ST6GALNAC3: variants seen among roughly 807,000 people sequenced by gnomAD.
The protein encoded by ST6GALNAC3 is alpha-N-acetylgalactosaminide alpha-2,6-sialyltransferase 3.
A neutral mutation model predicts 32.7 loss-of-function variants in ST6GALNAC3; 25 were observed. The observed-to-expected ratio is 0.76, with a 90% confidence interval of 0.56 to 1.07. The LOEUF is 1.07. Among genes scored for constraint, ST6GALNAC3 ranks in the 50% least tolerant of loss-of-function variants. The pLI is 0.00. For synonymous variants in ST6GALNAC3, 129 were observed against 133.1 expected (o/e 0.97, Z 0.21); for missense variants, 355 against 382.4 (o/e 0.93, Z 0.60).
chr1:76,343,455 C>A (rs191692938), intron 2 of ST6GALNAC3, among the ~76,000 whole-genome samples: 611 of 152,184 alleles, frequency 4.0e-3, no homozygotes, highest in Non-Finnish European at 6.3e-3. Context: ...ATGAAAAGAC[C>A]GTCGGATCAG....
At chr1:76,180,869 G>A (rs769361201) in intron 1 of ST6GALNAC3, among the ~76,000 whole-genome samples, 7 of 152,222 alleles carry the variant, frequency 4.6e-5, no homozygotes, top group Non-Finnish European at 1.0e-4. Flanking sequence ...AAGTCTGTGT[G>A]TGACCCGGTT....
intron 2 of ST6GALNAC3, among the ~76,000 whole-genome samples, chr1:76,365,668 G>T (rs1353892347): frequency 6.6e-6 from 1 of 152,100 alleles, no homozygotes; most frequent in Non-Finnish European, 1.5e-5. Flanking sequence ...TTTCTAAGAT[G>T]AATTTACAAG....
At chr1:76,571,388 A>C (rs1162011145) in intron 3 of ST6GALNAC3, among the ~76,000 whole-genome samples, 1 of 152,022 alleles carries the variant, frequency 6.6e-6, no homozygotes, top group Non-Finnish European at 1.5e-5. Context: ...CTTTTTTTAA[A>C]AAGGCAACTT....
chr1:76,511,928 C>T (rs968159648), intron 3 of ST6GALNAC3, among the ~76,000 whole-genome samples: 1 of 152,148 alleles, frequency 6.6e-6, no homozygotes. Flanking sequence ...AGTAATAGCT[C>T]TCTTCTAACT....
intron 2 of ST6GALNAC3, among the ~76,000 whole-genome samples, chr1:76,338,296 A>G (rs1435578506): frequency 2.0e-5 from 3 of 152,182 alleles, no homozygotes; most frequent in Non-Finnish European, 4.4e-5. Context: ...GTGTATATGG[A>G]AGCCATTGTC....
chr1:76,602,509 G>A (rs765842241), intron 3 of ST6GALNAC3, among the ~76,000 whole-genome samples: 40 of 151,998 alleles, frequency 2.6e-4, no homozygotes, highest in Non-Finnish European at 2.9e-4. Context: ...TTTGTAATTT[G>A]TTAGTACAGT....
intron 1 of ST6GALNAC3, among the ~76,000 whole-genome samples, chr1:76,213,621 T>C (rs1416323048): frequency 6.6e-6 from 1 of 152,188 alleles, no homozygotes; most frequent in Non-Finnish European, 1.5e-5. Context: ...CCAACTAAAA[T>C]CACAGAGATG....
intron 1 of ST6GALNAC3, among the ~76,000 whole-genome samples, chr1:76,120,341 C>G (rs530836127): frequency 6.6e-6 from 1 of 152,256 alleles, no homozygotes; most frequent in South Asian, 2.1e-4. Context: ...AAGTGCTGCT[C>G]TCTGCATTTT....
intron 3 of ST6GALNAC3, among the ~76,000 whole-genome samples, chr1:76,554,052 C>T (rs892491222): frequency 2.0e-5 from 3 of 152,076 alleles, no homozygotes; most frequent in Admixed American, 1.3e-4. Context: ...ATTTGTGAAC[C>T]AAATTTCTTA....
intron 1 of ST6GALNAC3, among the ~76,000 whole-genome samples, chr1:76,186,533 C>A (rs537363740): frequency 6.6e-6 from 1 of 152,186 alleles, no homozygotes; most frequent in East Asian, 1.9e-4. Flanking sequence ...GGTGTCCAAG[C>A]TTGGAGAGCT....
At chr1:76,139,216 C>A (rs61685633) in intron 1 of ST6GALNAC3, among the ~76,000 whole-genome samples, 2,782 of 151,464 alleles carry the variant, frequency 0.018, 92 homozygotes, top group African/African-American at 0.064. Context: ...AAAAAAAAAT[C>A]TATGCACCTA....
intron 1 of ST6GALNAC3, among the ~76,000 whole-genome samples, chr1:76,245,779 T>G (rs922784352): frequency 6.6e-6 from 1 of 152,196 alleles, no homozygotes; most frequent in Admixed American, 6.5e-5. Flanking sequence ...GGAGAGACTG[T>G]TATGATTTCC....
At chr1:76,302,870 G>C (rs954241496) in intron 1 of ST6GALNAC3, among the ~76,000 whole-genome samples, 3 of 151,940 alleles carry the variant, frequency 2.0e-5, no homozygotes, top group African/African-American at 7.3e-5. Context: ...CAAAAGCAGA[G>C]ACTTATTGAA....
At chr1:76,282,507 A>C (rs1025173324) in intron 1 of ST6GALNAC3, among the ~76,000 whole-genome samples, 1 of 152,174 alleles carries the variant, frequency 6.6e-6, no homozygotes, top group African/African-American at 2.4e-5. Context: ...ATACTTGATT[A>C]TTGGATATTT....
chr1:76,080,296 A>AT (rs5775322), intron 1 of ST6GALNAC3, among the ~76,000 whole-genome samples: 4 of 151,626 alleles, frequency 2.6e-5, no homozygotes, highest in Non-Finnish European at 5.9e-5. Context: ...GGTGTTATTA[A>AT]TTTTTTTTTA....
chr1:76,551,740 A>G (rs12025413), intron 3 of ST6GALNAC3, among the ~76,000 whole-genome samples: 91,618 of 152,076 alleles, frequency 0.6, 29,841 homozygotes, highest in East Asian at 0.74. Flanking sequence ...AACTATAGTC[A>G]TCATACTCTG....
intron 1 of ST6GALNAC3, among the ~76,000 whole-genome samples, chr1:76,135,140 C>CAAA (rs758939947): frequency 7.7e-6 from 1 of 130,070 alleles, no homozygotes. Context: ...AGACTCTGCT[C>CAAA]AAAAAAAAAA....
intron 1 of ST6GALNAC3, among the ~76,000 whole-genome samples, chr1:76,192,423 T>G (rs574156432): frequency 6.6e-6 from 1 of 152,046 alleles, no homozygotes; most frequent in Non-Finnish European, 1.5e-5. Flanking sequence ...GGAAAAAGAG[T>G]TTTTGAAGAG....
intron 1 of ST6GALNAC3, among the ~76,000 whole-genome samples, chr1:76,271,406 C>A (rs548687781): frequency 5.3e-5 from 8 of 152,248 alleles, no homozygotes; most frequent in African/African-American, 1.7e-4. Flanking sequence ...TTATTGAGTA[C>A]CCACTCTATA....
Sources: gnomAD v4.1 joint callset for allele counts (sites outside exome capture counted in the v4.1 genomes callset) on GRCh38, gnomAD v4.1.1 for gene constraint, MANE v1.5 for transcripts, NCBI Gene and HGNC (gene_info 2026-07-23, HGNC 2026-07-21) for gene names.